The following WDR37 variants were observed in gnomAD, a reference collection of about 807,000 sequenced individuals.
The protein encoded by WDR37 is WD repeat-containing protein 37.
A neutral mutation model predicts 62.9 loss-of-function variants in WDR37; 19 were observed. The ratio of observed to expected loss-of-function variants is 0.30; its 90% CI spans 0.21 to 0.44. WDR37 has a LOEUF of 0.44. Among genes scored for constraint, WDR37 ranks in the 20% least tolerant of loss-of-function variants. The probability of loss-of-function intolerance (pLI) is 1.00; values close to 1 mark genes in which losing one functional copy is unlikely to be tolerated. For missense variants in WDR37, 474 were observed against 657.6 expected (o/e 0.72, Z 3.05); for synonymous variants, 250 against 260.9 (o/e 0.96, Z 0.40).
intron 5 of WDR37, among the ~76,000 whole-genome samples, chr10:1,081,436 A>T (rs985920255): frequency 6.6e-6 from 1 of 152,170 alleles, no homozygotes; most frequent in South Asian, 2.1e-4. Context: ...TTATTTTTCC[A>T]ATTTGTTTCC....
chr10:1,089,381 C>T (rs1445898898), intron 7 of WDR37, among the ~76,000 whole-genome samples: 1 of 152,112 alleles, frequency 6.6e-6, no homozygotes, highest in Non-Finnish European at 1.5e-5. Context: ...TCTGGGGCCT[C>T]TGGGCCTGGG....
At position 1,099,312 on chromosome 10, in the gene WDR37, G is replaced by A. The variant is rs536694472; in HGVS notation, c.726+3066G>A. Among the ~76,000 whole-genome samples, 15 of 152,358 alleles carry A rather than the reference G, an allele frequency of 9.8e-5. 1 individual carries two copies. The East Asian group carries it at 2.7e-3, about 27-fold the overall frequency. ...CCCAGTTCGGTGCCTGAACAGGTGG[G>A]AACAGTGCCAGGCAGACAGTGTAAA... On this transcript the variant is annotated intron_variant, in intron 9 of 13. Transcript: ENST00000263150.
At chr10:1,119,028 G>T (rs1427608450) in intron 11 of WDR37, among the ~76,000 whole-genome samples, 1 of 152,134 alleles carries the variant, frequency 6.6e-6, no homozygotes, top group African/African-American at 2.4e-5. Flanking sequence ...AAAGACTAAG[G>T]GCCATTCCTA....
At position 1,080,422 on chromosome 10, in the gene WDR37, C is replaced by T. The variant is rs759075261; in HGVS notation, c.342C>T (p.Ser114=). 3 of 1,614,028 alleles carry T rather than the reference C, an allele frequency of 1.9e-6. No individual in the cohort carries two copies. In the African/African-American group the frequency reaches 4.0e-5, roughly 22 times the overall value. Reference sequence around the variant, plus strand: ...TCTCTGTCCCTGCAGCCAGTCACAGCACCAGCCAGCTCTCCCAGAAACTGA... The same window carrying T: ...TCTCTGTCCCTGCAGCCAGTCACAGTACCAGCCAGCTCTCCCAGAAACTGA... ...KGQLKTKASH[S]TSQLSQKLKT... The change falls in exon 5 of 14, where the codon AGC becomes AGT. Residue 114 remains serine (S), a synonymous_variant. Transcript: ENST00000263150.
rs199752665 is a variant in WDR37, at chr10:1,103,440, A to G, written c.727-162A>G. Among the ~76,000 whole-genome samples the G allele has an allele frequency of 4.6e-5, 7 of 152,240 alleles. No individual in the cohort carries two copies. In the East Asian group the frequency reaches 7.7e-4, roughly 17 times the overall value. On this transcript the variant is annotated intron_variant, in intron 9 of 13. Coordinates refer to ENST00000263150, the MANE Select transcript of WDR37 (RefSeq NM_014023.4). The surrounding 1 kb of genome is among the most constrained non-coding windows in gnomAD (Gnocchi z 6.3). ...GGCAGCAGTTATGGGTCAGAGGAGG[A>G]CATACTCATCACTGTGGCCAGCACC...
chr10:1,064,193 A>G (rs1305887786), intron 1 of WDR37, among the ~76,000 whole-genome samples: 1 of 152,232 alleles, frequency 6.6e-6, no homozygotes, highest in Non-Finnish European at 1.5e-5. Context: ...AGCAGAAAGG[A>G]GAGGACAGAC....
intron 1 of WDR37, among the ~76,000 whole-genome samples, chr10:1,067,514 C>T (rs908861443): frequency 5.3e-5 from 8 of 152,124 alleles, no homozygotes; most frequent in Admixed American, 2.6e-4. Context: ...TGCAGCTTAA[C>T]CTATGTGACA....
chr10:1,077,198 C>G (rs962223822), intron 2 of WDR37, among the ~76,000 whole-genome samples: 17 of 151,966 alleles, frequency 1.1e-4, no homozygotes, highest in African/African-American at 4.1e-4. Context: ...GCAGTGAGTG[C>G]CTGTGATATG....
chr10:1,070,916 G>C (rs1833708048), intron 1 of WDR37, among the ~76,000 whole-genome samples: 1 of 152,206 alleles, frequency 6.6e-6, no homozygotes, highest in Non-Finnish European at 1.5e-5. Context: ...TGGAAGGAAA[G>C]GAGTAGCATT....
Position 1,103,908 on chromosome 10 carries a change from C to G in WDR37, c.961+72C>G, listed in dbSNP as rs1834904568. ...TTTATGTCCATGGGTTATGTCTGAC[C>G]TTGCCACTTACTTCTTGACCAGAAT... On this transcript the variant is annotated intron_variant, in intron 10 of 13. Transcript: ENST00000263150. This position sits in a 1 kb window ranked among gnomAD's most constrained non-coding sequence, Gnocchi z 6.3. 6 of 1,465,088 alleles carry G rather than the reference C, an allele frequency of 4.1e-6. No individual in the cohort carries two copies. In the African/African-American group the frequency reaches 7.0e-5, roughly 17 times the overall value. The allele number at this position is 1,465,088 out of a possible 1,614,324, so 90.8% of individuals were successfully genotyped here. A position where few individuals can be genotyped will look rare whatever the true frequency, so the allele number is the denominator to read the frequency against.
intron 11 of WDR37, among the ~76,000 whole-genome samples, chr10:1,110,221 G>C (rs764832198): frequency 2.0e-5 from 3 of 152,180 alleles, no homozygotes; most frequent in East Asian, 1.9e-4. Context: ...CCGGCCTGGC[G>C]GTTTCTCAGC....
chr10:1,070,336 G>A (rs1833690097), intron 1 of WDR37, among the ~76,000 whole-genome samples: 2 of 152,114 alleles, frequency 1.3e-5, no homozygotes, highest in South Asian at 2.1e-4. Context: ...CTGTCTTCCA[G>A]TTTTCTAACA....
intron 13 of WDR37, among the ~76,000 whole-genome samples, chr10:1,126,963 C>A (rs1835809148): frequency 6.6e-6 from 1 of 152,228 alleles, no homozygotes; most frequent in African/African-American, 2.4e-5. Flanking sequence ...CAACCCTTAA[C>A]ACAGCCATAA....
At chr10:1,126,320 G>C (rs1038183994) in intron 13 of WDR37, among the ~76,000 whole-genome samples, 70 of 147,490 alleles carry the variant, frequency 4.7e-4, no homozygotes, top group African/African-American at 1.8e-3. Flanking sequence ...GCAGGAGAAT[G>C]GCGTGAACCC....
intron 1 of WDR37, among the ~76,000 whole-genome samples, chr10:1,067,353 A>G (rs1355733484): frequency 6.6e-6 from 1 of 152,216 alleles, no homozygotes; most frequent in South Asian, 2.1e-4. Context: ...TTCAGGAGAA[A>G]CAGGAGAAAA....
In WDR37 at chr10:1,093,504, G is replaced by T; in HGVS notation, c.649+8G>T. On this transcript the variant is annotated splice_region_variant and intron_variant, in intron 8 of 13. Transcript: ENST00000263150. ...AGCAGTTGGCTCTCACTGGTATGTTGATTTTTTTCTTTATTGAACAAAATG... is the reference window on the plus strand; with the variant it reads ...AGCAGTTGGCTCTCACTGGTATGTTTATTTTTTTCTTTATTGAACAAAATG... The T allele has an allele frequency of 6.2e-7, 1 of 1,603,390 alleles. No individual in the cohort carries two copies.
chr10:1,097,236 G>A (rs189274427), intron 9 of WDR37, among the ~76,000 whole-genome samples: 23 of 152,338 alleles, frequency 1.5e-4, no homozygotes, highest in Non-Finnish European at 3.2e-4. Context: ...GTTCCGAAGA[G>A]CACATGCAGG....
At chr10:1,115,493 G>A (rs1001192928) in intron 11 of WDR37, among the ~76,000 whole-genome samples, 1 of 152,190 alleles carries the variant, frequency 6.6e-6, no homozygotes, top group African/African-American at 2.4e-5. Context: ...ACACAGTTTT[G>A]CAGCTTGTGT....
chr10:1,086,803 G>A (rs1169711814), intron 7 of WDR37, among the ~76,000 whole-genome samples: 1 of 146,382 alleles, frequency 6.8e-6, no homozygotes, highest in Non-Finnish European at 1.5e-5. Context: ...AGTTAACGCT[G>A]TCCATGTAGT....
Sources: allele counts gnomAD v4.1 joint callset (sites outside exome capture counted in the v4.1 genomes callset), GRCh38; gene constraint gnomAD v4.1.1; non-coding constraint Gnocchi (gnomAD v3.1); transcripts MANE v1.5; gene names NCBI Gene and HGNC (gene_info 2026-07-23, HGNC 2026-07-21).